The following PARD3B variants were observed in gnomAD, a reference collection of about 807,000 sequenced individuals.
The protein encoded by PARD3B is partitioning defective 3 homolog B.
In PARD3B, 103 loss-of-function variants were observed where a neutral mutation model predicts 130.2. The observed-to-expected ratio is 0.79, with a 90% CI of 0.67 to 0.93. The LOEUF (loss-of-function observed/expected upper bound fraction) is 0.93, where lower values mean the gene tolerates loss of function less well. PARD3B is among the 40% of genes least tolerant of loss of function. The probability of loss-of-function intolerance (pLI) is 0.00; values close to 1 mark genes in which losing one functional copy is unlikely to be tolerated. For missense variants in PARD3B, 1,609 were observed against 1,499.2 expected (o/e 1.07, Z -1.21); for synonymous variants, 583 against 553.2 (o/e 1.05, Z -0.76).
intron 2 of PARD3B, among the ~76,000 whole-genome samples, chr2:204,785,788 T>C (rs1485989991): frequency 5.3e-5 from 8 of 152,210 alleles, no homozygotes; most frequent in African/African-American, 1.9e-4. Flanking sequence ...ATTATTGAAC[T>C]GATAGCCAGG....
chr2:204,679,673 A>T (rs549532059), intron 1 of PARD3B, among the ~76,000 whole-genome samples: 23 of 151,508 alleles, frequency 1.5e-4, no homozygotes, highest in African/African-American at 5.6e-4. Flanking sequence ...ATTTTTTTTT[A>T]ATTTTTTTTA....
At chr2:204,834,413 A>G (rs1205641416) in intron 2 of PARD3B, among the ~76,000 whole-genome samples, 1 of 152,210 alleles carries the variant, frequency 6.6e-6, no homozygotes, top group Non-Finnish European at 1.5e-5. Flanking sequence ...GTTTTACATG[A>G]TTGAATAATT....
At chr2:205,043,980 C>T (rs1559382537) in intron 3 of PARD3B, among the ~76,000 whole-genome samples, 1 of 147,560 alleles carries the variant, frequency 6.8e-6, no homozygotes, top group Admixed American at 6.8e-5. Context: ...CCACAGTCCC[C>T]AGAGTGTGAT....
chr2:204,638,299 G>T (rs1417256696), intron 1 of PARD3B, among the ~76,000 whole-genome samples: 1 of 152,142 alleles, frequency 6.6e-6, no homozygotes, highest in Non-Finnish European at 1.5e-5. Context: ...AGCCTGAATT[G>T]CTTAGCAACC....
At chr2:205,377,962 G>C (rs2105925332) in intron 18 of PARD3B, among the ~76,000 whole-genome samples, 1 of 151,992 alleles carries the variant, frequency 6.6e-6, no homozygotes, top group East Asian at 1.9e-4. Flanking sequence ...GTAGAGACGT[G>C]GTTTCACCAT....
intron 18 of PARD3B, among the ~76,000 whole-genome samples, chr2:205,355,810 G>A (rs955691094): frequency 6.6e-6 from 1 of 152,142 alleles, no homozygotes. Context: ...GAAAGCGAAG[G>A]GCAAGCAAGG....
intron 15 of PARD3B, among the ~76,000 whole-genome samples, chr2:205,219,738 C>T (rs1006461247): frequency 2.0e-5 from 3 of 152,150 alleles, no homozygotes; most frequent in African/African-American, 7.2e-5. Context: ...TGAGTTACTA[C>T]GTCTTTATGG....
intron 2 of PARD3B, among the ~76,000 whole-genome samples, chr2:204,921,467 A>G (rs907844056): frequency 3.3e-5 from 5 of 151,568 alleles, no homozygotes; most frequent in African/African-American, 1.2e-4. Flanking sequence ...ATTGATTTGG[A>G]ATGAGGGTGA....
At chr2:205,554,119 T>A (rs1360013617) in intron 22 of PARD3B, among the ~76,000 whole-genome samples, 1 of 152,134 alleles carries the variant, frequency 6.6e-6, no homozygotes, top group Non-Finnish European at 1.5e-5. Context: ...CAGCTACGAT[T>A]GGAGTTAGGT....
chr2:204,849,908 G>A (rs2044639617), intron 2 of PARD3B, among the ~76,000 whole-genome samples: 1 of 152,130 alleles, frequency 6.6e-6, no homozygotes, highest in Non-Finnish European at 1.5e-5. Context: ...AGAAGCAATG[G>A]TGGTTTCTGG....
intron 4 of PARD3B, among the ~76,000 whole-genome samples, chr2:205,093,996 A>G (rs756637599): frequency 1.4e-4 from 21 of 152,158 alleles, no homozygotes; most frequent in Non-Finnish European, 2.8e-4. Flanking sequence ...GTGTTTCCAC[A>G]TGCTATAAGA....
At chr2:205,457,645 T>C (rs2048319871) in intron 20 of PARD3B, among the ~76,000 whole-genome samples, 1 of 152,088 alleles carries the variant, frequency 6.6e-6, no homozygotes, top group African/African-American at 2.4e-5. Flanking sequence ...ACAGTTTTAT[T>C]TCATCTTTAT....
chr2:205,386,650 GA>G (rs1559042585), intron 18 of PARD3B, among the ~76,000 whole-genome samples: 1 of 43,398 alleles, frequency 2.3e-5, no homozygotes, highest in Non-Finnish European at 4.7e-5. Flanking sequence ...TAATTAAGTA[GA>G]GTTTTTTTTT....
intron 22 of PARD3B, among the ~76,000 whole-genome samples, chr2:205,553,922 AC>A (rs1281773955): frequency 6.6e-6 from 1 of 152,146 alleles, no homozygotes; most frequent in Non-Finnish European, 1.5e-5. Context: ...GAAAGAAACA[AC>A]TGCATGGGAA....
At chr2:205,467,038 G>C (rs905689773) in intron 20 of PARD3B, among the ~76,000 whole-genome samples, 5 of 152,328 alleles carry the variant, frequency 3.3e-5, no homozygotes, top group Admixed American at 6.5e-5. Context: ...TTAACTGAAT[G>C]CTGCTGTCTT....
chr2:204,978,023 A>T (rs1316514325), intron 3 of PARD3B, among the ~76,000 whole-genome samples: 1 of 152,074 alleles, frequency 6.6e-6, no homozygotes, highest in Non-Finnish European at 1.5e-5. Flanking sequence ...AAACACCCCA[A>T]GATTCCTCTC....
chr2:205,254,272 A>G (rs1158855748), intron 16 of PARD3B, among the ~76,000 whole-genome samples: 1 of 151,978 alleles, frequency 6.6e-6, no homozygotes, highest in Non-Finnish European at 1.5e-5. Context: ...TTTTTCAGCT[A>G]AATCGTAGCC....
chr2:205,478,304 C>T (rs143230852), intron 20 of PARD3B, among the ~76,000 whole-genome samples: 302 of 152,248 alleles, frequency 2.0e-3, no homozygotes, highest in African/African-American at 6.6e-3. Context: ...CTCCCTAGTC[C>T]GTAATTTCCT....
At chr2:205,355,767 T>G (rs2105861629) in intron 18 of PARD3B, among the ~76,000 whole-genome samples, 1 of 152,298 alleles carries the variant, frequency 6.6e-6, no homozygotes, top group Middle Eastern at 3.4e-3. Flanking sequence ...TCAGCATGGC[T>G]GGGGAGGCCT....
Sources: gnomAD v4.1 joint callset for allele counts (sites outside exome capture counted in the v4.1 genomes callset) on GRCh38, gnomAD v4.1.1 for gene constraint, MANE v1.5 for transcripts, NCBI Gene and HGNC (gene_info 2026-07-23, HGNC 2026-07-21) for gene names.